MARCHF1: variants seen among roughly 807,000 people sequenced by gnomAD.
MARCHF1 encodes the protein membrane associated ring-CH-type finger 1.
MARCHF1 carries 40 observed loss-of-function variants against 54.2 expected under a neutral mutation model. The observed-to-expected ratio is 0.74, with a 90% CI of 0.57 to 0.96. MARCHF1 has a LOEUF of 0.96. Among genes scored for constraint, MARCHF1 ranks in the 40% least tolerant of loss-of-function variants. The probability of loss-of-function intolerance (pLI) is 0.00; values close to 1 mark genes in which losing one functional copy is unlikely to be tolerated. For synonymous variants in MARCHF1, 236 were observed against 236.3 expected (o/e 1.00, Z 0.01); for missense variants, 586 against 656.5 (o/e 0.89, Z 1.17).
chr4:164,261,272 G>A (rs888783886), intron 1 of MARCHF1, among the ~76,000 whole-genome samples: 2 of 152,022 alleles, frequency 1.3e-5, no homozygotes, highest in African/African-American at 4.8e-5. Flanking sequence ...CTTTATTACA[G>A]GAGCCCTAGG....
chr4:164,179,669 C>T (rs1279994340), intron 1 of MARCHF1, among the ~76,000 whole-genome samples: 1 of 151,956 alleles, frequency 6.6e-6, no homozygotes, highest in African/African-American at 2.4e-5. Flanking sequence ...CACATTCATC[C>T]TTTCCTATAG....
At chr4:163,767,361 G>A (rs923874731) in intron 4 of MARCHF1, among the ~76,000 whole-genome samples, 19 of 149,864 alleles carry the variant, frequency 1.3e-4, no homozygotes, top group African/African-American at 4.7e-4. Flanking sequence ...TTGAGATGGA[G>A]TCTCGCTCGT....
chr4:163,535,634 C>G (rs767479564), intron 9 of MARCHF1, among the ~76,000 whole-genome samples: 1 of 152,034 alleles, frequency 6.6e-6, no homozygotes, highest in Non-Finnish European at 1.5e-5. Flanking sequence ...CATGGCTGGA[C>G]GCCTGTGTCC....
chr4:163,780,079 C>T (rs538477899), intron 4 of MARCHF1, among the ~76,000 whole-genome samples: 1 of 152,094 alleles, frequency 6.6e-6, no homozygotes, highest in Non-Finnish European at 1.5e-5. Flanking sequence ...ATTGAGTGGA[C>T]AAAATTGAGA....
intron 5 of MARCHF1, among the ~76,000 whole-genome samples, chr4:163,632,128 C>A (rs1228310217): frequency 6.6e-6 from 1 of 152,096 alleles, no homozygotes; most frequent in Non-Finnish European, 1.5e-5. Context: ...CCCTTGTGCA[C>A]TATTGGTGGG....
At chr4:163,737,199 TATTTA>T (rs1746066387) in intron 4 of MARCHF1, among the ~76,000 whole-genome samples, 2 of 58,636 alleles carry the variant, frequency 3.4e-5, no homozygotes, top group African/African-American at 4.1e-5. Flanking sequence ...TTAGTTTATT[TATTTA>T]TTTTTTTTAA....
At chr4:164,231,872 C>T (rs1051426965) in intron 1 of MARCHF1, among the ~76,000 whole-genome samples, 1 of 151,990 alleles carries the variant, frequency 6.6e-6, no homozygotes, top group Admixed American at 6.6e-5. Context: ...TACTTTCAGG[C>T]CCTAATTACT....
intron 1 of MARCHF1, among the ~76,000 whole-genome samples, chr4:164,236,611 C>G (rs960034391): frequency 6.6e-6 from 1 of 152,098 alleles, no homozygotes; most frequent in African/African-American, 2.4e-5. Context: ...TTAACCTAAG[C>G]TGGGAACATG....
At chr4:163,566,641 G>A (rs189769608) in intron 8 of MARCHF1, among the ~76,000 whole-genome samples, 1 of 152,266 alleles carries the variant, frequency 6.6e-6, no homozygotes, top group East Asian at 1.9e-4. Flanking sequence ...CAGGTTTTAT[G>A]TCTGGTGGAA....
In MARCHF1 at chr4:164,199,205, C is replaced by T. The variant is rs117472295; in HGVS notation, c.-322-87543G>A. On this transcript the variant is annotated intron_variant, in intron 1 of 9. Coordinates refer to ENST00000514618, the MANE Select transcript of MARCHF1 (RefSeq NM_001394959.1). The stretch of plus-strand genomic sequence containing the variant: ...GCCTTGTGTACTTCTCAAATAGTTT[C>T]GTTCTGTACACCCTTACTGCCACTA... Among the ~76,000 whole-genome samples the T allele has an allele frequency of 1.6e-3, 239 of 152,284 alleles. 7 individuals carry two copies. In the East Asian group the frequency reaches 0.036, roughly 23 times the overall value.
chr4:163,924,983 A>G (rs577887537), intron 3 of MARCHF1, among the ~76,000 whole-genome samples: 4 of 151,882 alleles, frequency 2.6e-5, no homozygotes, highest in African/African-American at 9.6e-5. Flanking sequence ...TTTTCTCATG[A>G]GCAAAACTGC....
At chr4:164,202,706 CT>C (rs1389603917) in intron 1 of MARCHF1, among the ~76,000 whole-genome samples, 1 of 151,994 alleles carries the variant, frequency 6.6e-6, no homozygotes, top group East Asian at 1.9e-4. Context: ...TTATAATTTG[CT>C]AGTTCTTTCT....
chr4:164,343,453 G>T (rs575636075), intron 1 of MARCHF1, among the ~76,000 whole-genome samples: 24 of 152,054 alleles, frequency 1.6e-4, no homozygotes, highest in Non-Finnish European at 2.9e-4. Flanking sequence ...GAAAATATTT[G>T]CAAACTATGC....
chr4:163,986,495 G>C (rs1211643037), intron 3 of MARCHF1, among the ~76,000 whole-genome samples: 1 of 151,652 alleles, frequency 6.6e-6, no homozygotes, highest in Non-Finnish European at 1.5e-5. Flanking sequence ...TCGATCTCCT[G>C]ACCTTGTGAT....
At chr4:163,722,515 G>T (rs1745507682) in intron 4 of MARCHF1, among the ~76,000 whole-genome samples, 2 of 152,166 alleles carry the variant, frequency 1.3e-5, no homozygotes, top group African/African-American at 2.4e-5. Context: ...TGTTGATTTG[G>T]GGTGGAGAGT....
At chr4:163,635,980 C>T (rs968808973) in intron 5 of MARCHF1, among the ~76,000 whole-genome samples, 2 of 152,030 alleles carry the variant, frequency 1.3e-5, no homozygotes, top group African/African-American at 4.8e-5. Context: ...ATAAACAGAG[C>T]CAAAGACAAA....
At chr4:163,839,289 C>T (rs184764117) in intron 4 of MARCHF1, among the ~76,000 whole-genome samples, 3,576 of 130,794 alleles carry the variant, frequency 0.027, 66 homozygotes, top group East Asian at 0.076. Context: ...AGTACATCCA[C>T]TGTGGAAAAC....
At chr4:164,205,256 T>C (rs576374154) in intron 1 of MARCHF1, among the ~76,000 whole-genome samples, 1 of 152,348 alleles carries the variant, frequency 6.6e-6, no homozygotes, top group East Asian at 1.9e-4. Flanking sequence ...AGCTTGTATT[T>C]ACTGAGCAGT....
At chr4:163,989,532 C>T (rs774733857) in intron 2 of MARCHF1, among the ~76,000 whole-genome samples, 4 of 152,124 alleles carry the variant, frequency 2.6e-5, no homozygotes, top group Non-Finnish European at 5.9e-5. Flanking sequence ...CTTCTCCTTG[C>T]TTTTCCATAA....
Sources: gnomAD v4.1 joint callset for allele counts (sites outside exome capture counted in the v4.1 genomes callset) on GRCh38, gnomAD v4.1.1 for gene constraint, MANE v1.5 for transcripts, NCBI Gene and HGNC (gene_info 2026-07-23, HGNC 2026-07-21) for gene names.